ITGA1: variants seen among roughly 807,000 people sequenced by gnomAD.
The protein encoded by ITGA1 is integrin alpha-1.
A neutral mutation model predicts 145.9 loss-of-function variants in ITGA1; 85 were observed. That is an observed-to-expected ratio of 0.58 (90% CI 0.49 to 0.70). ITGA1 has a LOEUF of 0.70. Among genes scored for constraint, ITGA1 ranks in the 30% least tolerant of loss-of-function variants. The pLI, the probability that ITGA1 is intolerant of heterozygous loss-of-function variation, is 0.00. For missense variants in ITGA1, 1,351 were observed against 1,418.7 expected (o/e 0.95, Z 0.77); for synonymous variants, 520 against 495.3 (o/e 1.05, Z -0.66).
intron 27 of ITGA1, among the ~76,000 whole-genome samples, chr5:52,945,735 G>A (rs1751125737): frequency 6.6e-6 from 1 of 152,164 alleles, no homozygotes; most frequent in Non-Finnish European, 1.5e-5. Flanking sequence ...ACAGCACCAT[G>A]TGAATCATAA....
chr5:52,872,074 C>T (rs940093360), intron 6 of ITGA1, among the ~76,000 whole-genome samples: 1 of 152,088 alleles, frequency 6.6e-6, no homozygotes, highest in Non-Finnish European at 1.5e-5. Flanking sequence ...AATATACTAA[C>T]GGAACAATGT....
At chr5:52,824,293 C>CTTTTTTTTTT (rs34682943) in intron 1 of ITGA1, 1 of 134,138 alleles carries the variant, frequency 7.5e-6, no homozygotes. Flanking sequence ...TCTTTTCTTT[C>CTTTTTTTTTT]TTTTTTTTTT....
chr5:52,842,335 A>C (rs1749267450), intron 1 of ITGA1, among the ~76,000 whole-genome samples: 1 of 152,136 alleles, frequency 6.6e-6, no homozygotes, highest in African/African-American at 2.4e-5. Context: ...CATGTATGTC[A>C]TTGCAGCCAA....
Position 52,937,437 on chromosome 5 carries a change from A to G in ITGA1, c.3001A>G (p.Lys1001Glu), listed in dbSNP as rs931683469. ...KSGSFPMPEL[K>E]LSISFPNMTS... Reference sequence around the variant, plus strand: ...TGGATCTTTTCCAATGCCAGAGCTTAAGCTGTCAATTTCATTCCCCAATAT... The same window carrying G: ...TGGATCTTTTCCAATGCCAGAGCTTGAGCTGTCAATTTCATTCCCCAATAT... The change falls in exon 24 of 29, where the codon AAG becomes GAG. Residue 1001 changes from lysine to glutamate, a missense_variant. Lys to Glu is a moderately conservative substitution (Grantham distance 56, BLOSUM62 1). Coordinates refer to ENST00000282588, the MANE Select transcript of ITGA1 (RefSeq NM_181501.2). 2 of 1,613,506 alleles carry G rather than the reference A, an allele frequency of 1.2e-6. No individual in the cohort carries two copies.
intron 1 of ITGA1, among the ~76,000 whole-genome samples, chr5:52,839,368 G>A (rs1561223782): frequency 1.3e-5 from 2 of 152,074 alleles, no homozygotes; most frequent in Non-Finnish European, 2.9e-5. Flanking sequence ...ATCTGAATGT[G>A]TTTTCACGAA....
chr5:52,793,956 G>A (rs1748290564), intron 1 of ITGA1, among the ~76,000 whole-genome samples: 2 of 151,980 alleles, frequency 1.3e-5, no homozygotes, highest in South Asian at 4.1e-4. Context: ...TATATAGGAA[G>A]AAGACTAATT....
At chr5:52,800,046 GA>G in intron 1 of ITGA1, 1 of 312,800 alleles carries the variant, frequency 3.2e-6, no homozygotes, top group South Asian at 3.4e-5. Flanking sequence ...CTCCTTTGGG[GA>G]CGGGAGACGT....
intron 1 of ITGA1, chr5:52,800,883 G>A: frequency 6.2e-7 from 1 of 1,612,926 alleles, no homozygotes; most frequent in Non-Finnish European, 8.5e-7. Context: ...GGGCCAAGGT[G>A]GAGGTGAACA....
intron 14 of ITGA1, among the ~76,000 whole-genome samples, chr5:52,915,212 T>G (rs2111863686): frequency 6.6e-6 from 1 of 152,270 alleles, no homozygotes; most frequent in Non-Finnish European, 1.5e-5. Flanking sequence ...TTAGACACAA[T>G]GACACTATAT....
At chr5:52,923,438 CTGTT>C (rs1387838549) in intron 18 of ITGA1, among the ~76,000 whole-genome samples, 4 of 151,686 alleles carry the variant, frequency 2.6e-5, no homozygotes, top group African/African-American at 9.7e-5. Context: ...AAAAAAAAAA[CTGTT>C]TAAGAAAAAA....
intron 2 of ITGA1, among the ~76,000 whole-genome samples, chr5:52,858,562 T>G (rs1749552086): frequency 6.6e-6 from 1 of 152,342 alleles, no homozygotes; most frequent in East Asian, 1.9e-4. Flanking sequence ...TAATAAACAT[T>G]AATTACTCCA....
At chr5:52,898,182 A>T in intron 10 of ITGA1, 57 bp from the exon 11 acceptor site, 1 of 1,159,518 alleles carries the variant, frequency 8.6e-7, no homozygotes. Context: ...ATGGTGTTTA[A>T]GTATTTCCCC....
intron 1 of ITGA1, among the ~76,000 whole-genome samples, chr5:52,814,266 C>T (rs1234145742): frequency 6.6e-6 from 1 of 152,166 alleles, no homozygotes. Flanking sequence ...TGTTCCTTAG[C>T]CTCCCAAGTG....
chr5:52,884,444 C>A (rs1262420745), intron 7 of ITGA1, among the ~76,000 whole-genome samples: 9 of 121,594 alleles, frequency 7.4e-5, no homozygotes, highest in Admixed American at 1.6e-4. Context: ...CAAAACTCTG[C>A]CTTAAAAAAA....
intron 19 of ITGA1, 141 bp downstream of exon 19, chr5:52,925,628 G>A (rs1750794254): frequency 6.3e-6 from 4 of 634,070 alleles, no homozygotes; most frequent in Non-Finnish European, 1.1e-5. Flanking sequence ...CACCAATGGT[G>A]AAAGTATTAA....
intron 9 of ITGA1, among the ~76,000 whole-genome samples, chr5:52,894,976 G>C (rs1750204002): frequency 6.6e-6 from 1 of 152,152 alleles, no homozygotes; most frequent in Admixed American, 6.5e-5. Flanking sequence ...ACTACATTTT[G>C]CTTTTTGACC....
At chr5:52,888,293 G>A (rs972929324) in intron 8 of ITGA1, among the ~76,000 whole-genome samples, 1 of 152,030 alleles carries the variant, frequency 6.6e-6, no homozygotes, top group Non-Finnish European at 1.5e-5. Flanking sequence ...AAAAAGAAGA[G>A]GAAAAGAAGA....
intron 1 of ITGA1, chr5:52,802,084 T>C (rs948375237): frequency 2.4e-5 from 10 of 420,598 alleles, no homozygotes; most frequent in African/African-American, 4.0e-5. Context: ...ATAGGAATTA[T>C]GAGTTATCTG....
At chr5:52,947,505 A>G (rs749487362) in intron 28 of ITGA1, 44 bp downstream of exon 28, 2 of 1,061,796 alleles carry the variant, frequency 1.9e-6, no homozygotes, top group South Asian at 2.5e-5. Flanking sequence ...AATCATCAAC[A>G]GCAAACTGGA....
Sources: gnomAD v4.1 joint callset for allele counts (sites outside exome capture counted in the v4.1 genomes callset) on GRCh38, gnomAD v4.1.1 for gene constraint, MANE v1.5 for transcripts, NCBI Gene and HGNC (gene_info 2026-07-23, HGNC 2026-07-21) for gene names.